ATP1A1: variants seen among roughly 807,000 people sequenced by gnomAD.
ATP1A1 encodes the protein ATPase Na+/K+ transporting subunit alpha 1.
In ATP1A1, 14 loss-of-function variants were observed where a neutral mutation model predicts 114.8. That is an observed-to-expected ratio of 0.12 (90% CI 0.08 to 0.19). The LOEUF (loss-of-function observed/expected upper bound fraction) is 0.19, where lower values mean the gene tolerates loss of function less well. Among genes scored for constraint, ATP1A1 ranks in the 10% least tolerant of loss-of-function variants. The pLI is 1.00. For synonymous variants in ATP1A1, 471 were observed against 466.3 expected, an observed-to-expected ratio of 1.01 and a Z score of -0.13; for missense variants, 524 against 1,290.7, an observed-to-expected ratio of 0.41 and a Z score of 9.10.
Position 116,389,791 on chromosome 1 carries a change from C to G in ATP1A1, c.1023+84C>G, listed in dbSNP as rs957838431. 1.9e-6 allele frequency: 3 copies of G among 1,540,954 alleles called. No homozygotes were observed. Among genetic ancestry groups the G allele is most frequent in the African/African-American group, 2.7e-5 (2 of 73,172 alleles). ...TCCGCTATCCTATTCTAAGGTATTG[C>G]CAACTTATGTTTTATTCTGGATGTT... On this transcript the variant is annotated intron_variant, in intron 8 of 22. Transcript: ENST00000295598. The surrounding 1 kb of genome is among the most constrained non-coding windows in gnomAD (Gnocchi z 6.9).
In ATP1A1 at chr1:116,404,618, G is replaced by A. The variant is rs1019165034; in HGVS notation, c.*174G>A. The A allele has an allele frequency of 1.4e-5, 15 of 1,056,958 alleles. No homozygotes were observed. Among genetic ancestry groups the A allele is most frequent in the African/African-American group, 5.0e-5 (3 of 59,758 alleles). The allele number at this position is 1,056,958 out of a possible 1,614,324, so 65.5% of individuals were successfully genotyped here. A position where few individuals can be genotyped will look rare whatever the true frequency, so the allele number is the denominator to read the frequency against. ...AAGCATGTAGCTCTATGGGGGGAGGGGGGAGGGCTGCCTGAAAACCATCCA... is the reference window on the plus strand; with the variant it reads ...AAGCATGTAGCTCTATGGGGGGAGGAGGGAGGGCTGCCTGAAAACCATCCA... On this transcript the variant is annotated 3_prime_UTR_variant, in exon 23 of 23. Coordinates refer to ENST00000295598, the MANE Select transcript of ATP1A1 (RefSeq NM_000701.8). The surrounding 1 kb of genome is among the most constrained non-coding windows in gnomAD (Gnocchi z 4.8).
chr1:116,403,701 G>A (rs915656978), intron 21 of ATP1A1, among the ~76,000 whole-genome samples, 183 bp from the exon 22 acceptor site: 12 of 152,232 alleles, frequency 7.9e-5, no homozygotes, highest in African/African-American at 2.9e-4. Flanking sequence ...TGGGCACATG[G>A]AGTAGCAATC....
rs1652304959 is a variant in ATP1A1, at chr1:116,389,541, C to G, written c.857C>G (p.Ala286Gly). The G allele has an allele frequency of 6.2e-7, 1 of 1,614,106 alleles. No homozygotes were observed. The highest frequency in any genetic ancestry group is 8.5e-7 in the Non-Finnish European group (1 of 1,180,034). ...GLEGGQTPIA[A>G]EIEHFIHIIT... ...GAAGGAGGCCAGACCCCCATTGCTGCAGAAATTGAACATTTTATCCACATC... is the reference window on the plus strand; with the variant it reads ...GAAGGAGGCCAGACCCCCATTGCTGGAGAAATTGAACATTTTATCCACATC... Residue 286 changes from alanine (A) to glycine (G), a missense_variant, in exon 8 of 23, where the codon GCA (alanine) becomes GGA (glycine). Ala to Gly is a moderately conservative substitution (Grantham distance 60, BLOSUM62 0). This residue lies in a region of ATP1A1 where 28 missense variants were observed against 131.8 expected (regional missense o/e 0.21). Coordinates refer to ENST00000295598, the MANE Select transcript of ATP1A1 (RefSeq NM_000701.8). The surrounding 1 kb of genome is among the most constrained non-coding windows in gnomAD (Gnocchi z 6.9).
chr1:116,394,969 ACT>A, intron 12 of ATP1A1, 139 bp from the exon 13 acceptor site: 2 of 777,294 alleles, frequency 2.6e-6, no homozygotes, highest in East Asian at 2.7e-5. Context: ...TAAAACCCTC[ACT>A]CTGTTATAAA....
In ATP1A1 at chr1:116,393,860, C is replaced by G. The variant is rs1318172615; in HGVS notation, c.1660+137C>G. ...TCTACATCTTTTAGGGGCAATCCTC[C>G]TATTTGTTTATTTGCCCCCTATTAT... On this transcript the variant is annotated intron_variant, in intron 12 of 22. Transcript: ENST00000295598. The surrounding 1 kb of genome is among the most constrained non-coding windows in gnomAD (Gnocchi z 5.0). 3 of 866,546 alleles carry G rather than the reference C, an allele frequency of 3.5e-6. No individual in the cohort carries two copies. The highest frequency in any genetic ancestry group is 2.0e-5 in the South Asian group (1 of 50,152). The allele number at this position is 866,546 out of a possible 1,614,324, so 53.7% of individuals were successfully genotyped here. A position where few individuals can be genotyped will look rare whatever the true frequency, so the allele number is the denominator to read the frequency against.
intron 1 of ATP1A1, chr1:116,374,151 A>G: frequency 6.5e-7 from 1 of 1,548,876 alleles, no homozygotes. Flanking sequence ...CCTCCCCCAA[A>G]GAAAAAACTG....
chr1:116,398,313 G>T lies in ATP1A1; in HGVS notation c.2124+275G>T, dbSNP rs1653107232. On this transcript the variant is annotated intron_variant, in intron 15 of 22. Transcript: ENST00000295598. The surrounding 1 kb of genome is among the most constrained non-coding windows in gnomAD (Gnocchi z 6.1). ...ATGGGGTCCTAGTATTTGCAATAGA[G>T]ATGTGAGTGGTCAGACTACAGGGCG... Among the ~76,000 whole-genome samples the T allele has an allele frequency of 6.6e-6, 1 of 152,170 alleles. No individual in the cohort carries two copies. The highest frequency in any genetic ancestry group is 2.1e-4 in the South Asian group (1 of 4,828).
In ATP1A1 at chr1:116,387,494, G is replaced by A. The variant is rs753940597; in HGVS notation, c.387+3G>A. 6.2e-7 allele frequency: 1 copy of A among 1,614,068 alleles called. No individual in the cohort carries two copies. The highest frequency in any genetic ancestry group is 1.1e-5 in the South Asian group (1 of 91,078). ...AAGAGGAACCTCAAAACGATAATGT[G>A]AGTTCTGTAATTCAGCATATGGATT... On this transcript the variant is annotated splice_donor_region_variant and intron_variant, in intron 4 of 22. Transcript: ENST00000295598. This position sits in a 1 kb window ranked among gnomAD's most constrained non-coding sequence, Gnocchi z 6.7.
At chr1:116,376,649 G>A (rs1400889392) in intron 1 of ATP1A1, among the ~76,000 whole-genome samples, 1 of 152,126 alleles carries the variant, frequency 6.6e-6, no homozygotes, top group African/African-American at 2.4e-5. Flanking sequence ...AATTTGTAGT[G>A]TTCCCTGCCA....
At chr1:116,375,973 T>A (rs1169292194) in intron 1 of ATP1A1, among the ~76,000 whole-genome samples, 2 of 152,240 alleles carry the variant, frequency 1.3e-5, no homozygotes, top group Non-Finnish European at 2.9e-5. Flanking sequence ...TCTTGCTGAA[T>A]CATTCCTGGA....
Position 116,389,893 on chromosome 1 carries a change from A to G in ATP1A1, c.1023+186A>G. On this transcript the variant is annotated intron_variant, in intron 8 of 22. Coordinates refer to ENST00000295598, the MANE Select transcript of ATP1A1 (RefSeq NM_000701.8). The surrounding 1 kb of genome is among the most constrained non-coding windows in gnomAD (Gnocchi z 6.9). ...AAAACCTCAGCATTTGTTTATACGT[A>G]AGATAACCCCAAAGCATACATTTTG... 2.2e-6 allele frequency: 2 copies of G among 908,398 alleles called. No individual in the cohort carries two copies. Among genetic ancestry groups the G allele is most frequent in the Non-Finnish European group, 3.2e-6 (2 of 616,080 alleles). The allele number at this position is 908,398 out of a possible 1,614,324, so 56.3% of individuals were successfully genotyped here. A position where few individuals can be genotyped will look rare whatever the true frequency, so the allele number is the denominator to read the frequency against.
Position 116,398,927 on chromosome 1 carries a change from T to C in ATP1A1, c.2294-3T>C. On this transcript the variant is annotated splice_region_variant and splice_polypyrimidine_tract_variant and intron_variant, in intron 16 of 22. Transcript: ENST00000295598. The surrounding 1 kb of genome is among the most constrained non-coding windows in gnomAD (Gnocchi z 6.1). ...TAACAGTAAAAAATCTTGGTTTTCA[T>C]AGGTCGTCTGATCTTTGATAACTTG... is the stretch of plus-strand genomic sequence containing the variant. The C allele has an allele frequency of 6.2e-7, 1 of 1,614,170 alleles. No homozygotes were observed. The highest frequency in any genetic ancestry group is 8.5e-7 in the Non-Finnish European group (1 of 1,179,960).
Position 116,388,442 on chromosome 1 carries a change from A to G in ATP1A1, c.502-196A>G. The G allele has an allele frequency of 1.0e-6, 1 of 963,720 alleles. No individual in the cohort carries two copies. The highest frequency in any genetic ancestry group is 1.5e-6 in the Non-Finnish European group (1 of 661,630). The allele number at this position is 963,720 out of a possible 1,614,324, so 59.7% of individuals were successfully genotyped here. ...CCTTTCTTTTGAATGTAAACTCTGA[A>G]TACAGGCACACCATGTAACAGCAAT... On this transcript the variant is annotated intron_variant, in intron 5 of 22. Transcript: ENST00000295598. This position sits in a 1 kb window ranked among gnomAD's most constrained non-coding sequence, Gnocchi z 5.6.
Position 116,395,343 on chromosome 1 carries a change from G to T in ATP1A1, c.1836+58G>T. 6.4e-7 allele frequency: 1 copy of T among 1,571,830 alleles called. No individual in the cohort carries two copies. Among genetic ancestry groups the T allele is most frequent in the South Asian group, 1.2e-5 (1 of 85,046 alleles). On this transcript the variant is annotated intron_variant, in intron 13 of 22. Coordinates refer to ENST00000295598, the MANE Select transcript of ATP1A1 (RefSeq NM_000701.8). The surrounding 1 kb of genome is among the most constrained non-coding windows in gnomAD (Gnocchi z 6.4). ...TTAGTGCCTTGGGACACCCTACTCAGTGAATGTTGCCTTTTGAGGTCCAGA... is the reference window on the plus strand; with the variant it reads ...TTAGTGCCTTGGGACACCCTACTCATTGAATGTTGCCTTTTGAGGTCCAGA...
At chr1:116,383,330 G>A (rs1188722177) in intron 1 of ATP1A1, 3 of 1,075,234 alleles carry the variant, frequency 2.8e-6, no homozygotes, top group East Asian at 2.0e-4. Context: ...AGCTGGTAAA[G>A]GTCAGTGTTC....
At position 116,397,906 on chromosome 1, in the gene ATP1A1, A is replaced by G; in HGVS notation, c.1992A>G (p.Val664=). The change falls in exon 15 of 23, where the codon GTA becomes GTG. Residue 664 remains valine, a synonymous_variant. Coordinates refer to ENST00000295598, the MANE Select transcript of ATP1A1 (RefSeq NM_000701.8). The surrounding 1 kb of genome is among the most constrained non-coding windows in gnomAD (Gnocchi z 4.2). ...QVNPRDAKAC[V]VHGSDLKDMT... ...ATTCTAGGGATGCCAAGGCCTGCGT[A>G]GTACACGGCAGTGATCTAAAGGACA... 3.1e-6 allele frequency: 5 copies of G among 1,610,400 alleles called. No homozygotes were observed. The highest frequency in any genetic ancestry group is 4.2e-6 in the Non-Finnish European group (5 of 1,179,340).
In ATP1A1 at chr1:116,390,782, G is replaced by T. The variant is rs1238127035; in HGVS notation, c.1223G>T (p.Gly408Val). 3.1e-6 allele frequency: 5 copies of T among 1,613,574 alleles called. No individual in the cohort carries two copies. The highest frequency in any genetic ancestry group is 1.7e-6 in the Non-Finnish European group (2 of 1,179,542). The change falls in exon 10 of 23, where the codon GGT (glycine) becomes GTT (valine). Residue 408 changes from glycine to valine, a missense_variant and splice_region_variant. Gly to Val is a moderately radical substitution (Grantham distance 109). Transcript: ENST00000295598. ...HEADTTENQS[G>V]VSFDKTSATW... ...TGTTGTGTTTTCTTGCCTCCATCAG[G>T]TGTCTCTTTTGACAAGACTTCAGCT...
At position 116,397,429 on chromosome 1, in the gene ATP1A1, C is replaced by T. The variant is rs906348419; in HGVS notation, c.1974-459C>T. On this transcript the variant is annotated intron_variant, in intron 14 of 22. Transcript: ENST00000295598. This position sits in a 1 kb window ranked among gnomAD's most constrained non-coding sequence, Gnocchi z 4.2. ...CCACCTCCTGAGTTCAAGTGATTCT[C>T]CTGCCTCAGCCTCCCAAGTAGCTGG... is the stretch of plus-strand genomic sequence containing the variant. Among the ~76,000 whole-genome samples the T allele has an allele frequency of 5.9e-5, 9 of 152,258 alleles. No individual in the cohort carries two copies. Among genetic ancestry groups the T allele is most frequent in the South Asian group, 2.1e-4 (1 of 4,818 alleles).
chr1:116,393,831 T>A lies in ATP1A1; in HGVS notation c.1660+108T>A. 3 of 1,096,678 alleles carry A rather than the reference T, an allele frequency of 2.7e-6. No homozygotes were observed. Among genetic ancestry groups the A allele is most frequent in the Non-Finnish European group, 3.8e-6 (3 of 784,468 alleles). 67.9% of individuals were successfully genotyped at this position (1,096,678 alleles called of 1,614,324 possible). On this transcript the variant is annotated intron_variant, in intron 12 of 22. Transcript: ENST00000295598. This position sits in a 1 kb window ranked among gnomAD's most constrained non-coding sequence, Gnocchi z 5.0. ...TATGAACCTCTATGTCTTGTTGACC[T>A]TCCTCTACATCTTTTAGGGGCAATC... is the stretch of plus-strand genomic sequence containing the variant.
Sources: allele counts gnomAD v4.1 joint callset (sites outside exome capture counted in the v4.1 genomes callset), GRCh38; gene constraint gnomAD v4.1.1; regional missense constraint gnomAD v4.1.1; non-coding constraint Gnocchi (gnomAD v3.1); transcripts MANE v1.5; gene names NCBI Gene and HGNC (gene_info 2026-07-23, HGNC 2026-07-21).